Variants in CALD1 observed in about 807,000 individuals in gnomAD.
CALD1 encodes the protein caldesmon.
CALD1 carries 33 observed loss-of-function variants against 99.9 expected under a neutral mutation model. The ratio of observed to expected loss-of-function variants is 0.33; its 90% CI spans 0.25 to 0.44. The LOEUF (loss-of-function observed/expected upper bound fraction) is 0.44, where lower values mean the gene tolerates loss of function less well. Ranked by LOEUF, CALD1 falls within the 20% of genes least tolerant of loss-of-function variation. CALD1 has a pLI of 1.00. For missense variants in CALD1, 861 were observed against 962.1 expected, an observed-to-expected ratio of 0.89 and a Z score of 1.39; for synonymous variants, 310 against 325.0, an observed-to-expected ratio of 0.95 and a Z score of 0.50.
the CALD1 span, among the ~76,000 whole-genome samples, chr7:134,714,161 T>C: frequency 6.6e-6 from 1 of 152,200 alleles, no homozygotes; most frequent in Non-Finnish European, 1.5e-5. Flanking sequence ...CCAAGTGCCA[T>C]GCTTCCTGTA....
chr7:134,822,912 C>A (rs1173558564), intron 1 of CALD1, among the ~76,000 whole-genome samples: 1 of 152,174 alleles, frequency 6.6e-6, no homozygotes, highest in East Asian at 1.9e-4. Context: ...TTTATCCCTG[C>A]CTCTCCACTG....
chr7:134,883,270 C>G (rs1290357794), intron 3 of CALD1, among the ~76,000 whole-genome samples: 1 of 152,110 alleles, frequency 6.6e-6, no homozygotes, highest in African/African-American at 2.4e-5. Flanking sequence ...ATTACTTCAG[C>G]CCTCTCTACT....
At chr7:134,813,113 A>T (rs911180567) in intron 1 of CALD1, among the ~76,000 whole-genome samples, 3 of 152,256 alleles carry the variant, frequency 2.0e-5, no homozygotes, top group Non-Finnish European at 2.9e-5. Context: ...AGAATTGATC[A>T]TTGGCTTTGG....
chr7:134,771,519 G>A (rs1031821156), intron 1 of CALD1, among the ~76,000 whole-genome samples: 7 of 152,088 alleles, frequency 4.6e-5, no homozygotes, highest in Admixed American at 3.9e-4. Context: ...CCCAAGCACC[G>A]CTGCCCTAGC....
the CALD1 span, among the ~76,000 whole-genome samples, chr7:134,726,747 G>A: frequency 2.4e-3 from 362 of 152,202 alleles, 3 homozygotes; most frequent in East Asian, 0.018. Flanking sequence ...TTTAATAAAA[G>A]GGTATTGTGT....
intron 3 of CALD1, among the ~76,000 whole-genome samples, chr7:134,918,618 A>G (rs527828295): frequency 6.6e-6 from 1 of 152,364 alleles, no homozygotes; most frequent in East Asian, 1.9e-4. Context: ...GCGATTGAAG[A>G]GGAGCACATA....
chr7:134,927,334 G>T (rs1341966454), intron 3 of CALD1, among the ~76,000 whole-genome samples: 1 of 151,816 alleles, frequency 6.6e-6, no homozygotes, highest in East Asian at 1.9e-4. Context: ...GCTAAATAGA[G>T]CTCAGGAGCT....
intron 1 of CALD1, among the ~76,000 whole-genome samples, chr7:134,804,403 G>A (rs1183073687): frequency 1.3e-5 from 2 of 152,190 alleles, no homozygotes; most frequent in African/African-American, 4.8e-5. Context: ...AACACATCAG[G>A]TAATTTGTCA....
chr7:134,865,504 G>A (rs867848923), intron 2 of CALD1, among the ~76,000 whole-genome samples: 1 of 152,204 alleles, frequency 6.6e-6, no homozygotes, highest in Non-Finnish European at 1.5e-5. Context: ...CCCTCTGGGT[G>A]CCCCCACATG....
chr7:134,893,775 C>G (rs1228642255), intron 3 of CALD1, among the ~76,000 whole-genome samples: 1 of 152,182 alleles, frequency 6.6e-6, no homozygotes, highest in Non-Finnish European at 1.5e-5. Flanking sequence ...CGAGGCAAGT[C>G]TCAATCATTT....
chr7:134,854,705 C>T (rs1800226369), intron 2 of CALD1, among the ~76,000 whole-genome samples: 1 of 152,112 alleles, frequency 6.6e-6, no homozygotes, highest in Non-Finnish European at 1.5e-5. Context: ...GGATTTTTTT[C>T]CCCTCAAATG....
intron 1 of CALD1, among the ~76,000 whole-genome samples, chr7:134,785,278 T>C (rs1797262452): frequency 1.3e-5 from 2 of 152,188 alleles, no homozygotes; most frequent in South Asian, 4.1e-4. Context: ...CACTGGTAAC[T>C]GAAAGGATAA....
chr7:134,965,490 T>A (rs1364271774), intron 14 of CALD1, 104 bp downstream of exon 14: 2 of 717,410 alleles, frequency 2.8e-6, no homozygotes, highest in Non-Finnish European at 5.2e-6. Flanking sequence ...CCTACAGATC[T>A]TTGCCTGCAC....
intron 2 of CALD1, among the ~76,000 whole-genome samples, chr7:134,863,078 C>T (rs1402502645): frequency 6.6e-6 from 1 of 152,144 alleles, no homozygotes; most frequent in African/African-American, 2.4e-5. Flanking sequence ...TTCCCCTTTT[C>T]ATAAGGACAC....
chr7:134,938,944 A>G (rs537543900), intron 6 of CALD1, among the ~76,000 whole-genome samples: 50 of 152,246 alleles, frequency 3.3e-4, no homozygotes, highest in Non-Finnish European at 4.6e-4. Flanking sequence ...ACTGCAACAT[A>G]GGATAAATGA....
chr7:134,898,597 G>A (rs747271532), intron 3 of CALD1, among the ~76,000 whole-genome samples: 1 of 151,146 alleles, frequency 6.6e-6, no homozygotes, highest in Non-Finnish European at 1.5e-5. Flanking sequence ...TTTTTGAGAT[G>A]GAGCCTCACT....
At chr7:134,818,101 G>T (rs916886077) in intron 1 of CALD1, among the ~76,000 whole-genome samples, 3 of 151,920 alleles carry the variant, frequency 2.0e-5, no homozygotes, top group Non-Finnish European at 2.9e-5. Context: ...CACACAGTTG[G>T]GTTGCTATTT....
chr7:134,932,699 G>T (rs578215491), intron 4 of CALD1, among the ~76,000 whole-genome samples: 1 of 152,326 alleles, frequency 6.6e-6, no homozygotes, highest in South Asian at 2.1e-4. Context: ...GGGTGCTGAG[G>T]TATCTAAACA....
Position 134,933,106 on chromosome 7 carries a change from G to A in CALD1, c.337G>A (p.Glu113Lys). The A allele has an allele frequency of 6.2e-7, 1 of 1,614,004 alleles. No individual in the cohort carries two copies. The highest frequency in any genetic ancestry group is 8.5e-7 in the Non-Finnish European group (1 of 1,179,986). ...GGAAAGACGCCAAAAACGCCTTCAGGAGGCTCTGGAGCGGCAGAAGGAGTT... is the reference window on the plus strand; with the variant it reads ...GGAAAGACGCCAAAAACGCCTTCAGAAGGCTCTGGAGCGGCAGAAGGAGTT... Reference protein sequence around the residue: ...REERRQKRLQEALERQKEFDP... With the variant: ...REERRQKRLQKALERQKEFDP... The change falls in exon 5 of 15, where the codon GAG becomes AAG. Residue 113 changes from glutamate to lysine, a missense_variant. Physicochemically the swap from Glu to Lys is moderately conservative, Grantham distance 56. Coordinates refer to ENST00000361675, the MANE Select transcript of CALD1 (RefSeq NM_033138.4).
Sources: gnomAD v4.1 joint callset for allele counts (sites outside exome capture counted in the v4.1 genomes callset) on GRCh38, gnomAD v4.1.1 for gene constraint, MANE v1.5 for transcripts, NCBI Gene and HGNC (gene_info 2026-07-23, HGNC 2026-07-21) for gene names.